AP3D1: variants seen among roughly 807,000 people sequenced by gnomAD.
AP3D1 encodes the protein adaptor related protein complex 3 subunit delta 1, also known as AP-3 complex subunit delta-1.
AP3D1 carries 51 observed loss-of-function variants against 147.6 expected under a neutral mutation model. The ratio of observed to expected loss-of-function variants is 0.35; its 90% confidence interval spans 0.28 to 0.44. The LOEUF is 0.44. Among genes scored for constraint, AP3D1 ranks in the 20% least tolerant of loss-of-function variants. AP3D1 has a pLI of 1.00. For missense variants in AP3D1, 1,421 were observed against 1,624.2 expected (o/e 0.87, Z 2.15); for synonymous variants, 760 against 663.0 (o/e 1.15, Z -2.25).
rs60728832 is a variant in AP3D1, at chr19:2,139,059, CAAAAAAAAAAAAAA to C, written c.97-359_97-346del. Among the ~76,000 whole-genome samples, 91 of 61,672 alleles carry C rather than the reference CAAAAAAAAAAAAAA, an allele frequency of 1.5e-3. 1 individual carries two copies. The highest frequency in any genetic ancestry group is 5.0e-3 in the African/African-American group (87 of 17,318). The allele number at this position is 61,672 out of a possible 152,430, so 40.5% of individuals were successfully genotyped here. ...CAGGTGAGAGAGCCAGACTCCGTCT[CAAAAAAAAAAAAAA>C]AAAAAAAAAAAAAGGAAAGAAGCCA... On this transcript the variant is annotated intron_variant, in intron 1 of 31. Coordinates refer to ENST00000643116, the MANE Select transcript of AP3D1 (RefSeq NM_001261826.3).
chr19:2,103,449 GGAA>G (rs1240044820), intron 31 of AP3D1, among the ~76,000 whole-genome samples: 6 of 151,950 alleles, frequency 3.9e-5, no homozygotes, highest in African/African-American at 1.4e-4. Context: ...AAGTGACTGT[GGAA>G]GAAGCCAGTG....
chr19:2,159,464 C>T (rs12977523), intron 1 of AP3D1, among the ~76,000 whole-genome samples: 122 of 151,942 alleles, frequency 8.0e-4, no homozygotes, highest in Non-Finnish European at 1.4e-3. Context: ...TCTCAGCTCA[C>T]CGCAAGCTCC....
chr19:2,116,107 G>T, intron 18 of AP3D1, 100 bp downstream of exon 18: 4 of 1,215,298 alleles, frequency 3.3e-6, no homozygotes, highest in Non-Finnish European at 4.7e-6. Context: ...TCCATTCCCA[G>T]GATCTTCCTG....
At chr19:2,149,707 G>C (rs1036206968) in intron 1 of AP3D1, among the ~76,000 whole-genome samples, 7 of 152,190 alleles carry the variant, frequency 4.6e-5, no homozygotes, top group African/African-American at 1.7e-4. Flanking sequence ...CCCCAGACTA[G>C]AGGTGTGGTC....
intron 24 of AP3D1, 190 bp from the exon 25 acceptor site, chr19:2,112,018 G>T: frequency 1.1e-6 from 1 of 892,272 alleles, no homozygotes; most frequent in Non-Finnish European, 1.7e-6. Flanking sequence ...CGGAGGCTGG[G>T]GCCGTCTCTG....
intron 29 of AP3D1, chr19:2,109,525 G>T: frequency 2.1e-6 from 1 of 485,204 alleles, no homozygotes; most frequent in Admixed American, 3.5e-5. Context: ...CGCAGAGGAC[G>T]GCCTGTGAGG....
chr19:2,102,650 C>T (rs1268165462), intron 31 of AP3D1, among the ~76,000 whole-genome samples: 1 of 151,700 alleles, frequency 6.6e-6, no homozygotes, highest in East Asian at 1.9e-4. Context: ...ATGGCGTGAA[C>T]CCGGGAGGTG....
intron 1 of AP3D1, among the ~76,000 whole-genome samples, chr19:2,160,097 C>T (rs1247413239): frequency 6.6e-6 from 1 of 151,994 alleles, no homozygotes; most frequent in Non-Finnish European, 1.5e-5. Context: ...GATCTGCCCG[C>T]CTCAGCCTCC....
At chr19:2,123,551 T>A in intron 10 of AP3D1, 145 bp from the exon 11 acceptor site, 2 of 879,346 alleles carry the variant, frequency 2.3e-6, no homozygotes, top group Admixed American at 2.6e-5. Context: ...GAAACAAGCA[T>A]GGCCCACATG....
chr19:2,141,284 T>C (rs2019212945), intron 1 of AP3D1, among the ~76,000 whole-genome samples: 1 of 152,098 alleles, frequency 6.6e-6, no homozygotes, highest in East Asian at 1.9e-4. Flanking sequence ...GCAAGTGAGA[T>C]ACTAAAACAA....
rs570117412 is a variant in AP3D1, at chr19:2,150,777, C to G, written c.96+462G>C. On this transcript the variant is annotated intron_variant, in intron 1 of 31. Coordinates refer to ENST00000643116, the MANE Select transcript of AP3D1 (RefSeq NM_001261826.3). ...CCGGGGAGGGTCCGGGGGCGGGGCCCGGGCCCCTGCATTTTTAATCGGTGA... is the reference window on the plus strand; with the variant it reads ...CCGGGGAGGGTCCGGGGGCGGGGCCGGGGCCCCTGCATTTTTAATCGGTGA... Among the ~76,000 whole-genome samples the G allele has an allele frequency of 3.3e-5, 5 of 152,272 alleles. No homozygotes were observed. The South Asian group carries it at 1.0e-3, about 32-fold the overall frequency.
At chr19:2,145,941 A>AC (rs565390251) in intron 1 of AP3D1, among the ~76,000 whole-genome samples, 5 of 152,194 alleles carry the variant, frequency 3.3e-5, no homozygotes, top group South Asian at 4.1e-4. Context: ...CTACAGCTGC[A>AC]CCCCCCAAAC....
At chr19:2,163,143 G>C (rs978698322) in intron 1 of AP3D1, among the ~76,000 whole-genome samples, 1 of 151,980 alleles carries the variant, frequency 6.6e-6, no homozygotes, top group Admixed American at 6.6e-5. Context: ...GTGCAATATC[G>C]GCTCACTGCA....
At chr19:2,144,406 AC>A (rs1231689801) in intron 1 of AP3D1, among the ~76,000 whole-genome samples, 2 of 152,136 alleles carry the variant, frequency 1.3e-5, no homozygotes, top group East Asian at 3.9e-4. Context: ...AGGCCCCCAC[AC>A]CGGGACCTAC....
At chr19:2,137,140 CA>C in intron 3 of AP3D1, 49 bp from the exon 4 acceptor site, 3 of 1,477,554 alleles carry the variant, frequency 2.0e-6, no homozygotes, top group Non-Finnish European at 2.8e-6. Context: ...CCGCAGCCTC[CA>C]GGAGCTCCAG....
intron 16 of AP3D1, 190 bp from the exon 17 acceptor site, chr19:2,116,936 G>A (rs539244003): frequency 1.4e-5 from 13 of 906,064 alleles, no homozygotes; most frequent in South Asian, 3.9e-5. Context: ...GGAAGACTGC[G>A]GCAGGGTCAC....
chr19:2,109,849 T>C (rs374074134), intron 29 of AP3D1, 24 bp downstream of exon 29: 37 of 1,609,746 alleles, frequency 2.3e-5, no homozygotes, highest in African/African-American at 1.2e-4. Context: ...TTCGGGGACA[T>C]AGGGGAGTGG....
chr19:2,116,651 C>T lies in AP3D1; in HGVS notation c.1955G>A (p.Arg652His), dbSNP rs764644332. Residue 652 changes from arginine (R) to histidine (H), a missense_variant, in exon 17 of 32, where the codon CGT (arginine) becomes CAT (histidine). This residue lies in a region of AP3D1 where 791 missense variants were observed against 761.4 expected (regional missense o/e 1.04). Coordinates refer to ENST00000643116, the MANE Select transcript of AP3D1 (RefSeq NM_001261826.3). ...CGCCTCCGACGGCCGGTGCTTGGGA[C>T]GCCGCTGCTCCTCCTCGTGGAAGAC... Reference protein sequence around the residue: ...RAVFHEEEQRRPKHRPSEADE... With the variant: ...RAVFHEEEQRHPKHRPSEADE... 14 of 1,604,268 alleles carry T rather than the reference C, an allele frequency of 8.7e-6. No homozygotes were observed. In the East Asian group the frequency reaches 1.3e-4, roughly 15 times the overall value.
chr19:2,156,103 T>C (rs2019643699), upstream of AP3D1, among the ~76,000 whole-genome samples: 1 of 149,436 alleles, frequency 6.7e-6, no homozygotes, highest in African/African-American at 2.5e-5. Context: ...TTGACAAGAG[T>C]GCTGATTCTT....
Sources: allele counts gnomAD v4.1 joint callset (sites outside exome capture counted in the v4.1 genomes callset), GRCh38; gene constraint gnomAD v4.1.1; regional missense constraint gnomAD v4.1.1; transcripts MANE v1.5; gene names NCBI Gene and HGNC (gene_info 2026-07-23, HGNC 2026-07-21).